STK24: variants seen among roughly 807,000 people sequenced by gnomAD.
The protein encoded by STK24 is serine/threonine kinase 24.
In STK24, 21 loss-of-function variants were observed where a neutral mutation model predicts 55.6. The observed-to-expected ratio is 0.38, with a 90% CI of 0.27 to 0.54. The LOEUF (loss-of-function observed/expected upper bound fraction) is 0.54. STK24 is among the 20% of genes least tolerant of loss of function. The probability of loss-of-function intolerance (pLI) is 0.79; values close to 1 mark genes in which losing one functional copy is unlikely to be tolerated. For missense variants in STK24, 383 were observed against 538.4 expected (o/e 0.71, Z 2.86); for synonymous variants, 200 against 215.2 (o/e 0.93, Z 0.62).
At chr13:98,462,848 C>T (rs1209471452) in intron 7 of STK24, among the ~76,000 whole-genome samples, 1 of 152,132 alleles carries the variant, frequency 6.6e-6, no homozygotes, top group East Asian at 1.9e-4. Context: ...GGAACATTGG[C>T]TTCCCTCCTT....
chr13:98,575,189 A>G (rs1897849232), intron 1 of STK24, among the ~76,000 whole-genome samples: 1 of 152,158 alleles, frequency 6.6e-6, no homozygotes, highest in Non-Finnish European at 1.5e-5. Context: ...TTTAGAAAAT[A>G]CCAAGAAACC....
At position 98,449,961 on chromosome 13, in the gene STK24, G is replaced by GCATCA. The variant is rs2139205978; in HGVS notation, c.*3211_*3212insTGATG. On this transcript the variant is annotated 3_prime_UTR_variant, in exon 11 of 11. Coordinates refer to ENST00000539966, the MANE Select transcript of STK24 (RefSeq NM_001032296.4). ...AGCTCCGGGCCACACAGCAGCATCA[G>GCATCA]GCTCCCTCCAGAAGTCACCACTCAC... The GCATCA allele has an allele frequency of 6.6e-6, 1 of 152,350 alleles. No individual in the cohort carries two copies. The allele number at this position is 152,350 out of a possible 1,614,324, so 9.4% of individuals were successfully genotyped here. A position where few individuals can be genotyped will look rare whatever the true frequency, so the allele number is the denominator to read the frequency against.
At chr13:98,529,796 A>G (rs1183162527) in intron 1 of STK24, among the ~76,000 whole-genome samples, 1 of 152,174 alleles carries the variant, frequency 6.6e-6, no homozygotes, top group African/African-American at 2.4e-5. Flanking sequence ...ATCAAATGCA[A>G]TGACTCTACC....
At chr13:98,515,697 C>T (rs1354668411) in intron 2 of STK24, among the ~76,000 whole-genome samples, 12 of 152,214 alleles carry the variant, frequency 7.9e-5, no homozygotes, top group Admixed American at 7.9e-4. Context: ...GACCACTTCT[C>T]TATTGTTTTA....
In STK24 at chr13:98,452,849, A is replaced by G. The variant is rs1893261599; in HGVS notation, c.*324T>C. 7.6e-6 allele frequency: 2 copies of G among 263,852 alleles called. No homozygotes were observed. Among genetic ancestry groups the G allele is most frequent in the Non-Finnish European group, 1.4e-5 (2 of 139,610 alleles). The allele number at this position is 263,852 out of a possible 1,614,324, so 16.3% of individuals were successfully genotyped here. ...TCTTTAGTTGCCTTATCATAATCCC[A>G]AATATACATTTCAGGGTTTGTTTTT... On this transcript the variant is annotated 3_prime_UTR_variant, in exon 11 of 11. Coordinates refer to ENST00000539966, the MANE Select transcript of STK24 (RefSeq NM_001032296.4).
chr13:98,476,247 C>CA (rs1011411960), intron 3 of STK24, among the ~76,000 whole-genome samples: 29 of 147,414 alleles, frequency 2.0e-4, no homozygotes, highest in Middle Eastern at 3.3e-3. Context: ...GAAGCCCCCC[C>CA]CCGCCCCCTG....
Position 98,453,168 on chromosome 13 carries a change from G to A in STK24, c.*5C>T. 1 of 1,613,686 alleles carries A rather than the reference G, an allele frequency of 6.2e-7. No individual in the cohort carries two copies. On this transcript the variant is annotated 3_prime_UTR_variant, in exon 11 of 11. Transcript: ENST00000539966. ...AAAAACAAAACCCCAAATGCCAAAG[G>A]AATTTCAGTGGGATGAAGTTCCTCC...
intron 2 of STK24, among the ~76,000 whole-genome samples, chr13:98,500,516 G>A (rs1895411917): frequency 6.6e-6 from 1 of 152,132 alleles, no homozygotes. Flanking sequence ...ACAGAAACCT[G>A]CTAAACCTGA....
At chr13:98,482,821 G>C (rs1443854758) in intron 2 of STK24, among the ~76,000 whole-genome samples, 1 of 152,214 alleles carries the variant, frequency 6.6e-6, no homozygotes, top group African/African-American at 2.4e-5. Context: ...TGTGAGTGGA[G>C]GGGCCGCCTA....
At chr13:98,531,614 C>G (rs1475141190) in intron 1 of STK24, among the ~76,000 whole-genome samples, 1 of 152,160 alleles carries the variant, frequency 6.6e-6, no homozygotes, top group East Asian at 1.9e-4. Context: ...CTGATTTTGA[C>G]TTAATAAGAA....
At chr13:98,504,944 A>C (rs1046096947) in intron 2 of STK24, 1 of 152,280 alleles carries the variant, frequency 6.6e-6, no homozygotes, top group Non-Finnish European at 1.5e-5. Context: ...TGTCAGGGTC[A>C]TGTGCCCACT....
At position 98,504,586 on chromosome 13, in the gene STK24, T is replaced by C. The variant is rs554817274; in HGVS notation, c.273+14657A>G. Among the ~76,000 whole-genome samples, 5 of 152,342 alleles carry C rather than the reference T, an allele frequency of 3.3e-5. No individual in the cohort carries two copies. In the East Asian group the frequency reaches 5.8e-4, roughly 18 times the overall value. ...GTCCCCAAATGACAACAGTGGTTCA[T>C]GGTGAGAATGAAGCCTACTGTGTGG... On this transcript the variant is annotated intron_variant, in intron 2 of 10. Transcript: ENST00000539966.
chr13:98,466,651 A>G (rs1413467806), intron 5 of STK24, 90 bp from the exon 6 acceptor site: 1 of 1,388,218 alleles, frequency 7.2e-7, no homozygotes, highest in African/African-American at 1.4e-5. Context: ...ATGTCTCAAT[A>G]CTTCTGAGGT....
intron 2 of STK24, among the ~76,000 whole-genome samples, chr13:98,505,798 A>G (rs1217042235): frequency 3.9e-5 from 6 of 152,340 alleles, no homozygotes; most frequent in Non-Finnish European, 2.9e-5. Context: ...TTATATATCA[A>G]CACATCATTT....
At chr13:98,467,461 CG>C (rs771034664) in intron 5 of STK24, among the ~76,000 whole-genome samples, 60 of 152,164 alleles carry the variant, frequency 3.9e-4, no homozygotes, top group Admixed American at 2.7e-3. Context: ...CCAAAGTCCA[CG>C]GGGTACAACT....
intron 1 of STK24, among the ~76,000 whole-genome samples, chr13:98,524,292 C>G (rs1215685746): frequency 6.6e-6 from 1 of 152,044 alleles, no homozygotes; most frequent in South Asian, 2.1e-4. Flanking sequence ...CTTGAACCAC[C>G]TGGCCTGTGG....
At chr13:98,489,920 G>C (rs1186817470) in intron 2 of STK24, among the ~76,000 whole-genome samples, 1 of 152,188 alleles carries the variant, frequency 6.6e-6, no homozygotes, top group African/African-American at 2.4e-5. Context: ...TAAGAGCGAG[G>C]AGAAAAGCAA....
At chr13:98,520,051 T>G (rs897701447) in intron 1 of STK24, among the ~76,000 whole-genome samples, 12 of 152,200 alleles carry the variant, frequency 7.9e-5, no homozygotes, top group African/African-American at 2.9e-4. Context: ...ATACATGCTG[T>G]ACCCTGGAAA....
chr13:98,485,134 TG>T (rs1034824248), intron 2 of STK24, among the ~76,000 whole-genome samples: 9 of 152,308 alleles, frequency 5.9e-5, no homozygotes, highest in Middle Eastern at 6.8e-3. Context: ...GGGTTCACCT[TG>T]CCCGCTGCCT....
Sources: gnomAD v4.1 joint callset for allele counts (sites outside exome capture counted in the v4.1 genomes callset) on GRCh38, gnomAD v4.1.1 for gene constraint, MANE v1.5 for transcripts, NCBI Gene and HGNC (gene_info 2026-07-23, HGNC 2026-07-21) for gene names.